The following MLEC variants were observed in gnomAD, a reference collection of about 807,000 sequenced individuals.
The protein encoded by MLEC is malectin.
In MLEC, 7 loss-of-function variants were observed where a neutral mutation model predicts 28.7. That is an observed-to-expected ratio of 0.24 (90% CI 0.14 to 0.46). The LOEUF (loss-of-function observed/expected upper bound fraction) is 0.46. MLEC is among the 20% of genes least tolerant of loss of function. MLEC has a pLI of 0.99. For missense variants in MLEC, 237 were observed against 391.1 expected (o/e 0.61, Z 3.32); for synonymous variants, 142 against 164.4 (o/e 0.86, Z 1.04).
Position 120,694,692 on chromosome 12 carries a change from C to G in MLEC, c.415-132C>G. On this transcript the variant is annotated intron_variant, in intron 2 of 4. Transcript: ENST00000228506. The surrounding 1 kb of genome is among the most constrained non-coding windows in gnomAD (Gnocchi z 4.5). ...GACCCGGGTTAAGGATGCTAACCAC[C>G]CTGGATATCCAGACCCATCATTTCT... The G allele has an allele frequency of 2.3e-6, 2 of 880,098 alleles. No individual in the cohort carries two copies. The highest frequency in any genetic ancestry group is 3.5e-5 in the South Asian group (2 of 57,582). The allele number at this position is 880,098 out of a possible 1,614,324, so 54.5% of individuals were successfully genotyped here. A position where few individuals can be genotyped will look rare whatever the true frequency, so the allele number is the denominator to read the frequency against.
Position 120,696,226 on chromosome 12 carries a change from A to C in MLEC, c.650-90A>C. 6.6e-7 allele frequency: 1 copy of C among 1,517,600 alleles called. No homozygotes were observed. Among genetic ancestry groups the C allele is most frequent in the East Asian group, 2.3e-5 (1 of 44,356 alleles). 94.0% of individuals were successfully genotyped at this position (1,517,600 alleles called of 1,614,324 possible). On this transcript the variant is annotated intron_variant, in intron 4 of 4. Coordinates refer to ENST00000228506, the MANE Select transcript of MLEC (RefSeq NM_014730.4). This position sits in a 1 kb window ranked among gnomAD's most constrained non-coding sequence, Gnocchi z 5.4. ...CTCTGGACCCGGGTTCAATCACAGC[A>C]ATCTCTTTATTGTGGCTTATTTGCT...
In MLEC at chr12:120,694,297, C is replaced by CCAGTA. The variant is rs767157094; in HGVS notation, c.414+29_414+33dup. The CCAGTA allele has an allele frequency of 6.4e-5, 103 of 1,607,360 alleles. No individual in the cohort carries two copies. Among genetic ancestry groups the CCAGTA allele is most frequent in the Middle Eastern group, 1.9e-4 (1 of 5,192 alleles). On this transcript the variant is annotated intron_variant, in intron 2 of 4. Coordinates refer to ENST00000228506, the MANE Select transcript of MLEC (RefSeq NM_014730.4). This position sits in a 1 kb window ranked among gnomAD's most constrained non-coding sequence, Gnocchi z 4.5. ...GAGGCCTAGTCAGGCTGCTGCTTGA[C>CCAGTA]CAGTAGGACATTGCTGCTCTTGGAC...
intron 1 of MLEC, among the ~76,000 whole-genome samples, chr12:120,690,630 G>A (rs979333538): frequency 6.6e-6 from 1 of 152,088 alleles, no homozygotes; most frequent in Non-Finnish European, 1.5e-5. Context: ...TAAAAATAGG[G>A]CAGAACATAG....
chr12:120,688,537 A>G (rs1881912069), intron 1 of MLEC, among the ~76,000 whole-genome samples: 1 of 152,212 alleles, frequency 6.6e-6, no homozygotes, highest in Non-Finnish European at 1.5e-5. Flanking sequence ...GTTCTTTGCT[A>G]GGAGATTGAT....
rs1294892693 is a variant in MLEC, at chr12:120,697,513, GTTCTTTAC to G, written c.*970_*977del. 4 of 152,724 alleles carry G rather than the reference GTTCTTTAC, an allele frequency of 2.6e-5. No individual in the cohort carries two copies. Among genetic ancestry groups the G allele is most frequent in the African/African-American group, 9.6e-5 (4 of 41,468 alleles). 9.5% of individuals were successfully genotyped at this position (152,724 alleles called of 1,614,324 possible). ...GCAGCCAGGAGGACCTGACCCAGCA[GTTCTTTAC>G]TGGCCCCTTTGTAGGGCCTTGCTGC... is the stretch of plus-strand genomic sequence containing the variant. On this transcript the variant is annotated 3_prime_UTR_variant, in exon 5 of 5. Coordinates refer to ENST00000228506, the MANE Select transcript of MLEC (RefSeq NM_014730.4). The surrounding 1 kb of genome is among the most constrained non-coding windows in gnomAD (Gnocchi z 4.8).
chr12:120,688,840 C>T (rs1477585479), intron 1 of MLEC, among the ~76,000 whole-genome samples: 1 of 152,172 alleles, frequency 6.6e-6, no homozygotes, highest in Non-Finnish European at 1.5e-5. Context: ...ATCACAGTAG[C>T]CTGGGTTCAG....
In MLEC at chr12:120,687,567, CCTGCTGTGCTGGGCGCAGCCGGCCGGGGG is replaced by C; in HGVS notation, c.235+41_235+69del. 1 of 1,455,810 alleles carries C rather than the reference CCTGCTGTGCTGGGCGCAGCCGGCCGGGGG, an allele frequency of 6.9e-7. No individual in the cohort carries two copies. The highest frequency in any genetic ancestry group is 1.4e-5 in the South Asian group (1 of 72,066). 90.2% of individuals were successfully genotyped at this position (1,455,810 alleles called of 1,614,324 possible). A position where few individuals can be genotyped will look rare whatever the true frequency, so the allele number is the denominator to read the frequency against. ...CCCTGCCGAGCCGCGGGATCCAGGG[CCTGCTGTGCTGGGCGCAGCCGGCCGGGGG>C]CTGCGGGCCCCGAGCCCCTTTCGAC... On this transcript the variant is annotated intron_variant, in intron 1 of 4. Coordinates refer to ENST00000228506, the MANE Select transcript of MLEC (RefSeq NM_014730.4). The surrounding 1 kb of genome is among the most constrained non-coding windows in gnomAD (Gnocchi z 8.1).
rs758370511 is a variant in MLEC at position 120,694,258 on chromosome 12, T to C, written c.403T>C (p.Ser135Pro). The C allele has an allele frequency of 3.7e-6, 6 of 1,613,800 alleles. No homozygotes were observed. In the Admixed American group the frequency reaches 5.0e-5, roughly 13 times the overall value. Residue 135 changes from serine (S) to proline (P), a missense_variant, in exon 2 of 5, where the codon TCC (serine) becomes CCC (proline). Transcript: ENST00000228506. This position sits in a 1 kb window ranked among gnomAD's most constrained non-coding sequence, Gnocchi z 4.5. ...ATTTGCAGAGGTCTACTTTGCACAG[T>C]CCCAGCAAAAGGTGAGGCCTAGTCA... The part of the protein sequence containing the change: ...LKFAEVYFAQ[S>P]QQKVFDVRLN...
At position 120,699,642 on chromosome 12, in the gene MLEC, G is replaced by C. The variant is rs1882370756; in HGVS notation, c.*3097G>C. ...TGAAAAATCTCCATTGTTGAGGAGA[G>C]GCTGCTCAATCGACACCCCGAGTTC... On this transcript the variant is annotated 3_prime_UTR_variant, in exon 5 of 5. Coordinates refer to ENST00000228506, the MANE Select transcript of MLEC (RefSeq NM_014730.4). 2.0e-5 allele frequency: 3 copies of C among 152,242 alleles called. No homozygotes were observed. Among genetic ancestry groups the C allele is most frequent in the Non-Finnish European group, 4.4e-5 (3 of 68,052 alleles). The allele number at this position is 152,242 out of a possible 1,614,324, so 9.4% of individuals were successfully genotyped here.
rs1449137256 is a variant in MLEC, at chr12:120,698,675, C to G, written c.*2130C>G. The G allele has an allele frequency of 6.6e-6, 1 of 152,658 alleles. No homozygotes were observed. The highest frequency in any genetic ancestry group is 2.4e-5 in the African/African-American group (1 of 41,412). The allele number at this position is 152,658 out of a possible 1,614,324, so 9.5% of individuals were successfully genotyped here. On this transcript the variant is annotated 3_prime_UTR_variant, in exon 5 of 5. Coordinates refer to ENST00000228506, the MANE Select transcript of MLEC (RefSeq NM_014730.4). ...CCATTTTGCCTTGTTTGTTAGTTTG[C>G]CTGGGTCTGTCTGAGGAAGGAGGGG...
Position 120,701,458 on chromosome 12 carries a change from A to G in MLEC, c.*4913A>G, listed in dbSNP as rs1188428382. The G allele has an allele frequency of 1.3e-5, 2 of 152,628 alleles. No individual in the cohort carries two copies. The highest frequency in any genetic ancestry group is 2.9e-5 in the Non-Finnish European group (2 of 68,048). 9.5% of individuals were successfully genotyped at this position (152,628 alleles called of 1,614,324 possible). On this transcript the variant is annotated 3_prime_UTR_variant, in exon 5 of 5. Transcript: ENST00000228506. The surrounding 1 kb of genome is among the most constrained non-coding windows in gnomAD (Gnocchi z 4.0). ...ATTCTGAGCCCAGGGCAGCCTCTTC[A>G]ACCATTATTGGTCTAACCTGGCTTG...
chr12:120,688,403 G>C (rs1292916376), intron 1 of MLEC, among the ~76,000 whole-genome samples: 1 of 152,166 alleles, frequency 6.6e-6, no homozygotes, highest in Admixed American at 6.5e-5. Context: ...TTTTTTGCTG[G>C]GATCCAGGTT....
At position 120,687,184 on chromosome 12, in the gene MLEC, C is replaced by T. The variant is rs1034186593; in HGVS notation, c.-113C>T. 1.7e-6 allele frequency: 2 copies of T among 1,193,266 alleles called. No individual in the cohort carries two copies. The highest frequency in any genetic ancestry group is 1.6e-5 in the African/African-American group (1 of 62,546). 73.9% of individuals were successfully genotyped at this position (1,193,266 alleles called of 1,614,324 possible). A position where few individuals can be genotyped will look rare whatever the true frequency, so the allele number is the denominator to read the frequency against. ...AGAAGGAGGCCTGAGAGCGACATGT[C>T]CCCGGCGGCTCAGGCGGAGCGGCCC... On this transcript the variant is annotated 5_prime_UTR_variant, in exon 1 of 5. Transcript: ENST00000228506. The surrounding 1 kb of genome is among the most constrained non-coding windows in gnomAD (Gnocchi z 8.1).
Position 120,699,864 on chromosome 12 carries a change from C to T in MLEC, c.*3319C>T, listed in dbSNP as rs746092800. 6.6e-6 allele frequency: 1 copy of T among 152,644 alleles called. No individual in the cohort carries two copies. The highest frequency in any genetic ancestry group is 1.5e-5 in the Non-Finnish European group (1 of 68,058). The allele number at this position is 152,644 out of a possible 1,614,324, so 9.5% of individuals were successfully genotyped here. A position where few individuals can be genotyped will look rare whatever the true frequency, so the allele number is the denominator to read the frequency against. ...GGCACAGTTTGAGTTAGGTTTACCT[C>T]CCCCTTTCTGTGCCTGGGAACTGTT... On this transcript the variant is annotated 3_prime_UTR_variant, in exon 5 of 5. Coordinates refer to ENST00000228506, the MANE Select transcript of MLEC (RefSeq NM_014730.4).
At chr12:120,691,898 G>A (rs1318682529) in intron 1 of MLEC, among the ~76,000 whole-genome samples, 4 of 152,102 alleles carry the variant, frequency 2.6e-5, no homozygotes, top group Non-Finnish European at 5.9e-5. Flanking sequence ...GGTGGCTCAC[G>A]CCTATAATCC....
At chr12:120,691,199 A>C in intron 1 of MLEC, among the ~76,000 whole-genome samples, 1 of 152,142 alleles carries the variant, frequency 6.6e-6, no homozygotes, top group East Asian at 1.9e-4. Flanking sequence ...TCCATTCCCT[A>C]AACTGCCTTG....
chr12:120,690,951 C>G (rs1414852183), intron 1 of MLEC, among the ~76,000 whole-genome samples: 1 of 152,210 alleles, frequency 6.6e-6, no homozygotes, highest in Non-Finnish European at 1.5e-5. Context: ...GGTTCGCTGT[C>G]TCAGCCCATT....
intron 1 of MLEC, among the ~76,000 whole-genome samples, chr12:120,688,724 A>G (rs534276280): frequency 6.8e-6 from 1 of 147,706 alleles, no homozygotes; most frequent in Non-Finnish European, 1.5e-5. Flanking sequence ...GGAGTTTGTT[A>G]TATTAAGGAG....
At chr12:120,693,920 T>C (rs1882127667) in intron 1 of MLEC, 171 bp from the exon 2 acceptor site, 2 of 578,270 alleles carry the variant, frequency 3.5e-6, no homozygotes, top group African/African-American at 3.7e-5. Context: ...AATGGCTGTA[T>C]GATTCCTGCC....
Sources: allele counts gnomAD v4.1 joint callset (sites outside exome capture counted in the v4.1 genomes callset), GRCh38; gene constraint gnomAD v4.1.1; non-coding constraint Gnocchi (gnomAD v3.1); transcripts MANE v1.5; gene names NCBI Gene and HGNC (gene_info 2026-07-23, HGNC 2026-07-21).